HSPA12A: variants seen among roughly 807,000 people sequenced by gnomAD.
The protein encoded by HSPA12A is heat shock protein family A (Hsp70) member 12A, also known as heat shock 70 kDa protein 12A.
In HSPA12A, 28 loss-of-function variants were observed where a neutral mutation model predicts 69.2. The observed-to-expected ratio is 0.40, with a 90% CI of 0.30 to 0.55. The LOEUF (loss-of-function observed/expected upper bound fraction) is 0.55, where lower values mean the gene tolerates loss of function less well. Ranked by LOEUF, HSPA12A falls within the 20% of genes least tolerant of loss-of-function variation. The probability of loss-of-function intolerance (pLI) is 0.38; values close to 1 mark genes in which losing one functional copy is unlikely to be tolerated. For synonymous variants in HSPA12A, 345 were observed against 370.5 expected (o/e 0.93, Z 0.79); for missense variants, 686 against 900.7 (o/e 0.76, Z 3.05).
At chr10:116,845,018 A>G (rs1589737743) in intron 1 of HSPA12A, among the ~76,000 whole-genome samples, 1 of 152,168 alleles carries the variant, frequency 6.6e-6, no homozygotes, top group East Asian at 1.9e-4. Context: ...TTTATCTTAA[A>G]TTAGAGTTAT....
intron 1 of HSPA12A, among the ~76,000 whole-genome samples, chr10:116,728,210 G>A (rs1851037185): frequency 6.6e-6 from 1 of 152,130 alleles, no homozygotes. Flanking sequence ...TAAAGTGCTG[G>A]GATTACAGAT....
chr10:116,769,117 T>A lies in HSPA12A; in HGVS notation c.92-61832A>T, dbSNP rs556774360. On this transcript the variant is annotated intron_variant, in intron 2 of 12. Transcript: ENST00000635765. ...CATTCAATACCTCTGTCCTTAGAAGTCCCCTGGCCCAGCCACCACTAGGAT... is the reference window on the plus strand; with the variant it reads ...CATTCAATACCTCTGTCCTTAGAAGACCCCTGGCCCAGCCACCACTAGGAT... 2.0e-4 allele frequency among the ~76,000 whole-genome samples: 31 copies of A among 152,178 alleles called. No individual in the cohort carries two copies. The East Asian group carries it at 6.0e-3, about 29-fold the overall frequency.
At chr10:116,817,532 T>TGGGGGG (rs1323210570) in intron 2 of HSPA12A, among the ~76,000 whole-genome samples, 1 of 26,354 alleles carries the variant, frequency 3.8e-5, no homozygotes, top group Non-Finnish European at 7.9e-5. Context: ...TGGGTGGGGG[T>TGGGGGG]GGGGGGGATG....
chr10:116,675,252 G>T lies in HSPA12A; in HGVS notation c.1557C>A (p.Val519=), dbSNP rs782035745. ...DVGLTILKGA[V]LFGLDPAVIK... The stretch of plus-strand genomic sequence containing the variant: ...TGACCGCGGGGTCCAGGCCAAAGAG[G>T]ACGGCACCCTTGAGGATGGTGAGGC... The change falls in exon 12 of 12, where the codon GTC becomes GTA. Residue 519 remains valine, a synonymous_variant. Coordinates refer to ENST00000369209, the MANE Select transcript of HSPA12A (RefSeq NM_025015.3). This position sits in a 1 kb window ranked among gnomAD's most constrained non-coding sequence, Gnocchi z 5.2. The T allele has an allele frequency of 6.2e-7, 1 of 1,613,652 alleles. No individual in the cohort carries two copies. The highest frequency in any genetic ancestry group is 1.3e-5 in the African/African-American group (1 of 74,950).
chr10:116,749,928 A>T, intron 2 of HSPA12A: 1 of 176,664 alleles, frequency 5.7e-6, no homozygotes, highest in Admixed American at 5.6e-5. Context: ...GTTGTCAAGA[A>T]TAAGGCCTGC....
upstream of HSPA12A, among the ~76,000 whole-genome samples, chr10:116,744,093 C>G (rs549203262): frequency 1.3e-5 from 2 of 152,334 alleles, no homozygotes; most frequent in South Asian, 4.1e-4. Flanking sequence ...CTGTCTCACC[C>G]CTTCAGTCCA....
chr10:116,700,975 C>T lies in HSPA12A; in HGVS notation c.409G>A (p.Glu137Lys). The T allele has an allele frequency of 1.2e-6, 2 of 1,613,938 alleles. No individual in the cohort carries two copies. Among genetic ancestry groups the T allele is most frequent in the South Asian group, 1.1e-5 (1 of 91,056 alleles). The change falls in exon 4 of 12, where the codon GAG becomes AAG. Residue 137 changes from glutamate (E) to lysine (K), a missense_variant. Coordinates refer to ENST00000369209, the MANE Select transcript of HSPA12A (RefSeq NM_025015.3). ...GTGTGCAGCTTCATCTTGAACTTCT[C>T]CAGGTACAGCCACTGCTTGGCCTCA... ...PNEAKQWLYL[E>K]KFKMKLHTTG...
chr10:116,716,475 T>G (rs1850609579), intron 1 of HSPA12A, among the ~76,000 whole-genome samples: 1 of 151,686 alleles, frequency 6.6e-6, no homozygotes. Context: ...TGTGTATGTG[T>G]GTGTGTGCAT....
At chr10:116,771,234 C>T (rs1260272211) in intron 2 of HSPA12A, among the ~76,000 whole-genome samples, 3 of 152,350 alleles carry the variant, frequency 2.0e-5, no homozygotes, top group South Asian at 4.1e-4. Context: ...CCCAGTGACA[C>T]GCTCTGAAGA....
chr10:116,829,959 C>T (rs1845581963), intron 2 of HSPA12A: 1 of 151,536 alleles, frequency 6.6e-6, no homozygotes, highest in Admixed American at 6.6e-5. Context: ...CGGCACATTC[C>T]GGGAGGGCGT....
intron 2 of HSPA12A, among the ~76,000 whole-genome samples, chr10:116,769,701 T>C (rs1349777272): frequency 6.6e-6 from 1 of 152,146 alleles, no homozygotes; most frequent in Admixed American, 6.5e-5. Context: ...CTCAATAAAT[T>C]AGAGCAAAAC....
chr10:116,809,309 C>A (rs1845129549), intron 2 of HSPA12A, among the ~76,000 whole-genome samples: 1 of 152,144 alleles, frequency 6.6e-6, no homozygotes, highest in Non-Finnish European at 1.5e-5. Context: ...GCTCCATTAC[C>A]CACCTTTGCA....
chr10:116,849,381 G>C (rs1283039217), intron 1 of HSPA12A: 1 of 736,176 alleles, frequency 1.4e-6, no homozygotes. Flanking sequence ...AGGGAGAAAA[G>C]ACAGAGCAGC....
In HSPA12A at chr10:116,681,234, G is replaced by A. The variant is rs1483061042; in HGVS notation, c.945C>T (p.Asp315=). The A allele has an allele frequency of 6.2e-7, 1 of 1,613,910 alleles. No homozygotes were observed. The highest frequency in any genetic ancestry group is 8.5e-7 in the Non-Finnish European group (1 of 1,179,952). The stretch of plus-strand genomic sequence containing the variant: ...TCAGGTCTACGGTGCCACCGCCACT[G>A]TCCACAACCACATACTTATCACCTG... ...LEEGDKYVVV[D]SGGGTVDLTV... Residue 315 remains aspartate, a synonymous_variant, in exon 9 of 12, where the codon GAC becomes GAT. Coordinates refer to ENST00000369209, the MANE Select transcript of HSPA12A (RefSeq NM_025015.3).
intron 2 of HSPA12A, among the ~76,000 whole-genome samples, chr10:116,795,621 G>C (rs1844802602): frequency 6.7e-6 from 1 of 149,178 alleles, no homozygotes; most frequent in East Asian, 2.0e-4. Flanking sequence ...GGGAGGCAGA[G>C]GTTGCAATGA....
chr10:116,764,364 T>C (rs1554889562), intron 2 of HSPA12A, among the ~76,000 whole-genome samples: 1 of 152,134 alleles, frequency 6.6e-6, no homozygotes, highest in Non-Finnish European at 1.5e-5. Flanking sequence ...AAATACAATA[T>C]GGTAGATTCA....
rs1849125008 is a variant in HSPA12A, at chr10:116,672,914, T to C, written c.*1867A>G. 6.6e-6 allele frequency: 1 copy of C among 152,626 alleles called. No individual in the cohort carries two copies. The highest frequency in any genetic ancestry group is 2.1e-4 in the South Asian group (1 of 4,832). The allele number at this position is 152,626 out of a possible 1,614,324, so 9.5% of individuals were successfully genotyped here. A position where few individuals can be genotyped will look rare whatever the true frequency, so the allele number is the denominator to read the frequency against. ...AACCAGCACACTCTAAGTTCTGTGG[T>C]TTGTTCGTTGTTTCACATTCTAGTA... On this transcript the variant is annotated 3_prime_UTR_variant, in exon 12 of 12. Coordinates refer to ENST00000369209, the MANE Select transcript of HSPA12A (RefSeq NM_025015.3).
At chr10:116,840,522 T>G (rs958044717) in intron 1 of HSPA12A, among the ~76,000 whole-genome samples, 1 of 152,218 alleles carries the variant, frequency 6.6e-6, no homozygotes. Flanking sequence ...TCAGCTTAGC[T>G]ATAAAGAAAA....
At chr10:116,713,082 T>TA (rs1850490830) in intron 1 of HSPA12A, among the ~76,000 whole-genome samples, 1 of 89,366 alleles carries the variant, frequency 1.1e-5, no homozygotes. Flanking sequence ...ATCAGGCTAT[T>TA]TAAAAAAAAA....
Sources: allele counts gnomAD v4.1 joint callset (sites outside exome capture counted in the v4.1 genomes callset), GRCh38; gene constraint gnomAD v4.1.1; non-coding constraint Gnocchi (gnomAD v3.1); transcripts MANE v1.5; gene names NCBI Gene and HGNC (gene_info 2026-07-23, HGNC 2026-07-21).